The following PPP2R3B variants were observed in gnomAD, a reference collection of about 807,000 sequenced individuals.
PPP2R3B encodes protein phosphatase 2 regulatory subunit B''beta, also known as serine/threonine-protein phosphatase 2A regulatory subunit B'' subunit beta.
In PPP2R3B, 68 loss-of-function variants were observed where a neutral mutation model predicts 72.9. The observed-to-expected ratio is 0.93, with a 90% CI of 0.77 to 1.14. The LOEUF is 1.14. Among genes scored for constraint, PPP2R3B ranks in the 50% most tolerant of loss-of-function variants. The probability of loss-of-function intolerance (pLI) is 0.00; values close to 1 mark genes in which losing one functional copy is unlikely to be tolerated. For missense variants in PPP2R3B, 1,018 were observed against 842.0 expected, an observed-to-expected ratio of 1.21 and a Z score of -2.59; for synonymous variants, 466 against 375.8, an observed-to-expected ratio of 1.24 and a Z score of -2.78.
chrX:381,079 C>G (rs971407117), intron 1 of PPP2R3B, among the ~76,000 whole-genome samples: 1 of 151,984 alleles, frequency 6.6e-6, no homozygotes, highest in South Asian at 2.1e-4. Flanking sequence ...AGGCATGAAC[C>G]ACCATGCCTG....
At chrX:341,062 G>A in intron 9 of PPP2R3B, 122 bp from the exon 10 acceptor site, 3 of 1,373,340 alleles carry the variant, frequency 2.2e-6, no homozygotes, top group Non-Finnish European at 2.0e-6. Context: ...GCCCCCACCG[G>A]GCGTGCAGGC....
intron 1 of PPP2R3B, among the ~76,000 whole-genome samples, chrX:369,644 C>T (rs1201529564): frequency 6.6e-6 from 1 of 152,222 alleles, no homozygotes; most frequent in Non-Finnish European, 1.5e-5. Flanking sequence ...CCTCTCGCGA[C>T]ACCAGCCTCG....
chrX:358,097 G>T (rs1483504186), intron 2 of PPP2R3B, among the ~76,000 whole-genome samples: 2 of 152,188 alleles, frequency 1.3e-5, no homozygotes, highest in African/African-American at 4.8e-5. Context: ...AGTCACTCAC[G>T]CGACGGGGAG....
chrX:379,086 CCTA>C (rs1253076637), intron 1 of PPP2R3B, among the ~76,000 whole-genome samples: 3 of 139,002 alleles, frequency 2.2e-5, no homozygotes, highest in Non-Finnish European at 3.1e-5. Flanking sequence ...TGTGTATGCA[CCTA>C]CGTGTGTGTG....
At chrX:377,749 G>A (rs2072029519) in intron 1 of PPP2R3B, among the ~76,000 whole-genome samples, 1 of 139,252 alleles carries the variant, frequency 7.2e-6, no homozygotes, top group African/African-American at 2.8e-5. Context: ...GGCCACCATG[G>A]GGCTGTCTAT....
intron 2 of PPP2R3B, 132 bp from the exon 3 acceptor site, chrX:347,825 C>A: frequency 1.5e-6 from 1 of 658,386 alleles, no homozygotes; most frequent in Non-Finnish European, 2.5e-6. Flanking sequence ...TCAGCGCGGC[C>A]TGTCTGGGCA....
intron 1 of PPP2R3B, among the ~76,000 whole-genome samples, chrX:379,133 CTA>C (rs1246992989): frequency 1.4e-5 from 2 of 145,816 alleles, no homozygotes; most frequent in Admixed American, 6.9e-5. Context: ...GTGTATGCAC[CTA>C]TGTGTGTGTA....
intron 2 of PPP2R3B, among the ~76,000 whole-genome samples, chrX:357,465 G>A (rs1342502970): frequency 6.6e-6 from 1 of 152,208 alleles, no homozygotes; most frequent in African/African-American, 2.4e-5. Flanking sequence ...GAAATAATCT[G>A]TAACACTGAC....
intron 1 of PPP2R3B, among the ~76,000 whole-genome samples, chrX:363,510 G>T (rs866845923): frequency 1.4e-5 from 1 of 71,190 alleles, no homozygotes; most frequent in African/African-American, 5.4e-5. Flanking sequence ...GCATCTCCCC[G>T]AGCCCGCGAT....
intron 1 of PPP2R3B, among the ~76,000 whole-genome samples, chrX:365,143 G>A (rs1287338738): frequency 1.2e-5 from 1 of 84,066 alleles, no homozygotes; most frequent in Non-Finnish European, 2.5e-5. Context: ...AACACAGGAG[G>A]CGGAGGTTGC....
In PPP2R3B at chrX:339,024, G is replaced by A. The variant is rs186937602; in HGVS notation, c.1352-128C>T. ...ACGAAGCTCCGGGCTCTCACGCCACGTGTTTGACGTGAAAGGCGGACACGC... is the reference window on the plus strand; with the variant it reads ...ACGAAGCTCCGGGCTCTCACGCCACATGTTTGACGTGAAAGGCGGACACGC... On this transcript the variant is annotated intron_variant, in intron 10 of 12. Coordinates refer to ENST00000390665, the MANE Select transcript of PPP2R3B (RefSeq NM_013239.5). 486 of 787,650 alleles carry A rather than the reference G, an allele frequency of 6.2e-4. 4 individuals are homozygous for A. The East Asian group carries it at 9.3e-3, about 15-fold the overall frequency. 48.8% of individuals were successfully genotyped at this position (787,650 alleles called of 1,614,324 possible).
At chrX:383,730 T>C (rs778101531) in intron 1 of PPP2R3B, among the ~76,000 whole-genome samples, 7 of 144,750 alleles carry the variant, frequency 4.8e-5, no homozygotes, top group South Asian at 4.4e-4. Context: ...CCCAGCTACT[T>C]GGGAGGCTGA....
chrX:380,604 A>C (rs1483146415), intron 1 of PPP2R3B, among the ~76,000 whole-genome samples: 2 of 151,878 alleles, frequency 1.3e-5, no homozygotes, highest in Non-Finnish European at 1.5e-5. Context: ...TGACCAACAT[A>C]GTGAAACCCC....
chrX:368,556 C>T (rs183738539), intron 1 of PPP2R3B, among the ~76,000 whole-genome samples: 41 of 99,054 alleles, frequency 4.1e-4, no homozygotes, highest in East Asian at 6.5e-4. Context: ...CCCCGGGCAC[C>T]GACGGGGGGA....
intron 2 of PPP2R3B, among the ~76,000 whole-genome samples, chrX:355,667 C>T: frequency 6.6e-6 from 1 of 152,088 alleles, no homozygotes; most frequent in East Asian, 1.9e-4. Context: ...GTTCTGTGCT[C>T]CAAATGGTTA....
chrX:361,654 A>C, intron 1 of PPP2R3B, 64 bp from the exon 2 acceptor site: 1 of 1,582,206 alleles, frequency 6.3e-7, no homozygotes. Context: ...CTTCACCCGG[A>C]CAACACACGG....
At position 386,666 on chromosome X, in the gene PPP2R3B, G is replaced by A. The variant is rs766488856; in HGVS notation, c.26C>T (p.Pro9Leu). The change falls in exon 1 of 13, where the codon CCG (proline) becomes CTG (leucine). Residue 9 changes from proline to leucine, a missense_variant. By Grantham distance (98) the Pro-to-Leu change is moderately conservative. Transcript: ENST00000390665. ...CTCGTCCACCTTCATCTTCAGGACC[G>A]GCTGCAGCACTTTGCCGGGCGGCAT... MPPGKVLQ[P>L]VLKMKVDELF... 1.5e-6 allele frequency: 2 copies of A among 1,376,358 alleles called. No individual in the cohort carries two copies. Among genetic ancestry groups the A allele is most frequent in the Non-Finnish European group, 1.9e-6 (2 of 1,065,172 alleles). The allele number at this position is 1,376,358 out of a possible 1,614,324, so 85.3% of individuals were successfully genotyped here.
intron 12 of PPP2R3B, 187 bp from the exon 13 acceptor site, chrX:334,704 C>CGG (rs1301395070): frequency 1.5e-6 from 1 of 678,322 alleles, no homozygotes; most frequent in East Asian, 3.4e-5. Flanking sequence ...CGAATGCTCC[C>CGG]GGGGGAGGGG....
chrX:363,680 C>T (rs2071611378), intron 1 of PPP2R3B, among the ~76,000 whole-genome samples: 3 of 148,730 alleles, frequency 2.0e-5, no homozygotes, highest in African/African-American at 5.0e-5. Context: ...AATGCATCTC[C>T]CCAAGCCCGC....
Sources: gnomAD v4.1 joint callset for allele counts (sites outside exome capture counted in the v4.1 genomes callset) on GRCh38, gnomAD v4.1.1 for gene constraint, MANE v1.5 for transcripts, NCBI Gene and HGNC (gene_info 2026-07-23, HGNC 2026-07-21) for gene names.